The following KIFC2 variants were observed in gnomAD, a reference collection of about 807,000 sequenced individuals.
KIFC2 encodes kinesin family member C2, also known as kinesin-like protein KIFC2.
A neutral mutation model predicts 91.5 loss-of-function variants in KIFC2; 94 were observed. The ratio of observed to expected loss-of-function variants is 1.03; its 90% CI spans 0.87 to 1.22. The LOEUF (loss-of-function observed/expected upper bound fraction) is 1.22. Ranked by LOEUF, KIFC2 falls within the 50% of genes most tolerant of loss-of-function variation. The probability of loss-of-function intolerance (pLI) is 0.00; values close to 1 mark genes in which losing one functional copy is unlikely to be tolerated. For missense variants in KIFC2, 1,357 were observed against 1,103.3 expected, an observed-to-expected ratio of 1.23 and a Z score of -3.26; for synonymous variants, 729 against 503.9, an observed-to-expected ratio of 1.45 and a Z score of -5.98.
intron 7 of KIFC2, 35 bp downstream of exon 7, chr8:144,468,022 C>A (rs773085134): frequency 6.7e-7 from 1 of 1,503,204 alleles, no homozygotes; most frequent in Non-Finnish European, 8.8e-7. Flanking sequence ...GTTCCTGCAG[C>A]CTGGGGCTCT....
Position 144,473,491 on chromosome 8 carries a change from A to G in KIFC2, c.*102A>G. ...CCGTCTCCCAGGGCACAAGCTCCCT[A>G]GCCTCTTTGGATCCATTGCCCCTGA... On this transcript the variant is annotated 3_prime_UTR_variant, in exon 18 of 18. Transcript: ENST00000645548. 2 of 1,434,212 alleles carry G rather than the reference A, an allele frequency of 1.4e-6. No individual in the cohort carries two copies. The highest frequency in any genetic ancestry group is 1.8e-6 in the Non-Finnish European group (2 of 1,096,232). 88.8% of individuals were successfully genotyped at this position (1,434,212 alleles called of 1,614,324 possible). A position where few individuals can be genotyped will look rare whatever the true frequency, so the allele number is the denominator to read the frequency against.
At position 144,472,040 on chromosome 8, in the gene KIFC2, C is replaced by T. The variant is rs779927504; in HGVS notation, c.1479C>T (p.Ser493=). Residue 493 remains serine, a synonymous_variant, in exon 13 of 18, where the codon AGC becomes AGT. Transcript: ENST00000645548. ...AGACAGGCACCGGGAAGACCTACAG[C>T]ATGGAGGTGGGACAGAGCTCACGCC... is the stretch of plus-strand genomic sequence containing the variant. The part of the protein sequence containing the change: ...YGQTGTGKTY[S]MEGPPEDPGI... 8 of 1,613,244 alleles carry T rather than the reference C, an allele frequency of 5.0e-6. No homozygotes were observed. In the Admixed American group the frequency reaches 8.3e-5, roughly 17 times the overall value.
At position 144,467,325 on chromosome 8, in the gene KIFC2, G is replaced by T; in HGVS notation, c.453G>T (p.Arg151=). ...LQGTQPAPRV[R]PPSPDGSTSQ... is the part of the protein sequence containing the mutation. ...GGACTCAGCCAGCCCCTCGGGTCCG[G>T]CCCCCCTCTCCAGATGGTGAGTAAA... Residue 151 remains arginine (R), a synonymous_variant, in exon 4 of 18, where the codon CGG becomes CGT. Coordinates refer to ENST00000645548, the MANE Select transcript of KIFC2 (RefSeq NM_001369769.2). 6.2e-7 allele frequency: 1 copy of T among 1,608,842 alleles called. No individual in the cohort carries two copies. The highest frequency in any genetic ancestry group is 8.5e-7 in the Non-Finnish European group (1 of 1,177,896).
At position 144,473,376 on chromosome 8, in the gene KIFC2, G is replaced by T. The variant is rs369059154; in HGVS notation, c.2363G>T (p.Gly788Val). Residue 788 changes from glycine (G) to valine (V), a missense_variant, in exon 18 of 18, where the codon GGC (glycine) becomes GTC (valine). Transcript: ENST00000645548. Reference sequence around the variant, plus strand: ...GGCTCGGCTCTCGCGCCCGCAGAGGGCCTGCCCCTCTAGTCCTGGGTCGCG... The same window carrying T: ...GGCTCGGCTCTCGCGCCCGCAGAGGTCCTGCCCCTCTAGTCCTGGGTCGCG... ...GSGSALAPAE[G>V]LPL 1 of 1,575,718 alleles carries T rather than the reference G, an allele frequency of 6.3e-7. No homozygotes were observed.
chr8:144,473,446 G>A lies in KIFC2; in HGVS notation c.*57G>A, dbSNP rs753268294. 5.9e-6 allele frequency: 9 copies of A among 1,521,326 alleles called. No homozygotes were observed. The Admixed American group carries it at 8.1e-5, about 14-fold the overall frequency. 94.2% of individuals were successfully genotyped at this position (1,521,326 alleles called of 1,614,324 possible). ...AGGCCAGGTCTCTGCTGGCAGAGGCGGTAGTAAAGTCCCTGTACCCCGTCT... is the reference window on the plus strand; with the variant it reads ...AGGCCAGGTCTCTGCTGGCAGAGGCAGTAGTAAAGTCCCTGTACCCCGTCT... On this transcript the variant is annotated 3_prime_UTR_variant, in exon 18 of 18. Coordinates refer to ENST00000645548, the MANE Select transcript of KIFC2 (RefSeq NM_001369769.2).
Position 144,468,762 on chromosome 8 carries a change from C to G in KIFC2, c.1041C>G (p.Cys347Trp). 6.2e-7 allele frequency: 1 copy of G among 1,614,046 alleles called. No homozygotes were observed. Among genetic ancestry groups the G allele is most frequent in the Non-Finnish European group, 8.5e-7 (1 of 1,180,008 alleles). Residue 347 changes from cysteine (C) to tryptophan (W), a missense_variant, in exon 10 of 18, where the codon TGC (cysteine) becomes TGG (tryptophan). By Grantham distance (215) the Cys-to-Trp change is radical (BLOSUM62 -2). Transcript: ENST00000645548. ...GGATGGCCAGCCTGCGTCAGGGCTG[C>G]GGGGACCTCCGAGGTTTGGTCAGCA... ...RARMASLRQGCGDLRGLVSTF... is the reference protein window; with the variant it reads ...RARMASLRQGWGDLRGLVSTF...
chr8:144,470,999 T>C (rs1193932910), intron 12 of KIFC2, among the ~76,000 whole-genome samples: 4 of 151,998 alleles, frequency 2.6e-5, no homozygotes, highest in East Asian at 1.9e-4. Flanking sequence ...AATCCCACTC[T>C]GTTGCCCAGG....
In KIFC2 at chr8:144,472,636, C is replaced by T; in HGVS notation, c.1791C>T (p.Ser597=). ...CCGCCACCGCCATGAACCAGCGCAG[C>T]TCCCGCTCGCATGCCCTGGTCACGC... ...ATAATAMNQR[S]SRSHALVTLT... is the part of the protein sequence containing the mutation. Residue 597 remains serine, a synonymous_variant, in exon 16 of 18, where the codon AGC becomes AGT. Transcript: ENST00000645548. The T allele has an allele frequency of 6.2e-7, 1 of 1,602,636 alleles. No individual in the cohort carries two copies.
rs2129961570 is a variant in KIFC2, at chr8:144,466,624, G to A, written c.99+106G>A. Reference sequence around the variant, plus strand: ...GCACGGGGCGCGGGGCGACGGGGCCGTGCCGAGGACCCTCGGCTCGGCCCC... The same window carrying A: ...GCACGGGGCGCGGGGCGACGGGGCCATGCCGAGGACCCTCGGCTCGGCCCC... On this transcript the variant is annotated intron_variant, in intron 1 of 17. Transcript: ENST00000645548. 6.9e-6 allele frequency: 6 copies of A among 873,516 alleles called. No individual in the cohort carries two copies. In the Admixed American group the frequency reaches 1.7e-4, roughly 25 times the overall value. 54.1% of individuals were successfully genotyped at this position (873,516 alleles called of 1,614,324 possible).
At chr8:144,466,577 G>A (rs1339493215) in intron 1 of KIFC2, 59 bp downstream of exon 1, 19 of 996,106 alleles carry the variant, frequency 1.9e-5, no homozygotes, top group Admixed American at 4.4e-5. Context: ...CCCCCACGCC[G>A]AGGTTCCCGG....
At chr8:144,467,415 T>C in intron 4 of KIFC2, 70 bp from the exon 5 acceptor site, 1 of 1,543,014 alleles carries the variant, frequency 6.5e-7, no homozygotes, top group Non-Finnish European at 8.7e-7. Context: ...CGGCCTGGAG[T>C]TCGGGGTCAT....
intron 10 of KIFC2, 80 bp from the exon 11 acceptor site, chr8:144,469,191 T>C (rs1824823097): frequency 1.7e-6 from 2 of 1,195,226 alleles, no homozygotes; most frequent in East Asian, 5.1e-5. Flanking sequence ...GGCTCCCTGC[T>C]GCTCTCAGGA....
At position 144,472,354 on chromosome 8, in the gene KIFC2, T is replaced by G; in HGVS notation, c.1608-7T>G. On this transcript the variant is annotated splice_polypyrimidine_tract_variant and splice_region_variant and intron_variant, in intron 14 of 17. Transcript: ENST00000645548. Reference sequence around the variant, plus strand: ...TCTGGAACCAAGACCTTCCCCTTTCTCACCAGGGACCTCCTTGCTCCAGGG... The same window carrying G: ...TCTGGAACCAAGACCTTCCCCTTTCGCACCAGGGACCTCCTTGCTCCAGGG... 2 of 1,613,340 alleles carry G rather than the reference T, an allele frequency of 1.2e-6. No homozygotes were observed. The highest frequency in any genetic ancestry group is 2.2e-5 in the South Asian group (2 of 91,088).
In KIFC2 at chr8:144,473,916, G is replaced by T. The variant is rs1440626432; in HGVS notation, c.*527G>T. On this transcript the variant is annotated 3_prime_UTR_variant, in exon 18 of 18. Coordinates refer to ENST00000645548, the MANE Select transcript of KIFC2 (RefSeq NM_001369769.2). ...CCCTCCCCCAGCCTGGAGCACGGGA[G>T]GGGAGGTGACGGCTGGTGACTGATG... 2.3e-6 allele frequency: 1 copy of T among 433,728 alleles called. No individual in the cohort carries two copies. Among genetic ancestry groups the T allele is most frequent in the South Asian group, 4.2e-5 (1 of 23,998 alleles). 26.9% of individuals were successfully genotyped at this position (433,728 alleles called of 1,614,324 possible).
intron 12 of KIFC2, 29 bp from the exon 13 acceptor site, chr8:144,471,913 C>A (rs1824941643): frequency 5.6e-6 from 9 of 1,605,356 alleles, no homozygotes; most frequent in Non-Finnish European, 6.8e-6. Flanking sequence ...GTGGGGAGGA[C>A]TCAAAACACA....
At position 144,466,482 on chromosome 8, in the gene KIFC2, C is replaced by G; in HGVS notation, c.63C>G (p.Gly21=). 1.5e-6 allele frequency: 2 copies of G among 1,332,694 alleles called. No individual in the cohort carries two copies. The highest frequency in any genetic ancestry group is 1.9e-6 in the Non-Finnish European group (2 of 1,032,496). 82.6% of individuals were successfully genotyped at this position (1,332,694 alleles called of 1,614,324 possible). A position where few individuals can be genotyped will look rare whatever the true frequency, so the allele number is the denominator to read the frequency against. Residue 21 remains glycine, a synonymous_variant, in exon 1 of 18, where the codon GGC becomes GGG. Coordinates refer to ENST00000645548, the MANE Select transcript of KIFC2 (RefSeq NM_001369769.2). ...IFYSLFRRDG[G]AAAAAEPGDP... ...ACAGCCTCTTCCGCAGGGATGGTGG[C>G]GCCGCGGCGGCCGCGGAGCCCGGGG...
At chr8:144,470,104 C>T (rs1006080616) in intron 12 of KIFC2, among the ~76,000 whole-genome samples, 15 of 152,258 alleles carry the variant, frequency 9.9e-5, no homozygotes, top group African/African-American at 3.4e-4. Context: ...TTCATCTGCA[C>T]ATGCCCTTTG....
rs201819532 is a variant in KIFC2, at chr8:144,468,418, G to A, written c.888+12G>A. On this transcript the variant is annotated intron_variant, in intron 8 of 17. Transcript: ENST00000645548. The stretch of plus-strand genomic sequence containing the variant: ...CCCTCCGAGCCCAGGTGGGCATGGG[G>A]CCCAGGGATCCATGGCTCAGGGGTG... 3,797 of 1,610,820 alleles carry A rather than the reference G, an allele frequency of 2.4e-3. 9 individuals carry two copies. Among genetic ancestry groups the A allele is most frequent in the Non-Finnish European group, 2.7e-3 (3,156 of 1,178,902 alleles).
Position 144,467,967 on chromosome 8 carries a change from C to T in KIFC2, c.790C>T (p.Pro264Ser), listed in dbSNP as rs1490397711. ...RDLLLHWGPG[P>S]PIRAPQEEAE... The stretch of plus-strand genomic sequence containing the variant: ...CCTCCTGCTGCACTGGGGCCCCGGG[C>T]CCCCCATCAGGGCTCCGCAGGTACT... The change falls in exon 7 of 18, where the codon CCC becomes TCC. Residue 264 changes from proline (P) to serine (S), a missense_variant. Coordinates refer to ENST00000645548, the MANE Select transcript of KIFC2 (RefSeq NM_001369769.2). The T allele has an allele frequency of 4.4e-6, 7 of 1,582,246 alleles. No homozygotes were observed. The East Asian group carries it at 6.8e-5, about 15-fold the overall frequency.
Sources: allele counts gnomAD v4.1 joint callset (sites outside exome capture counted in the v4.1 genomes callset), GRCh38; gene constraint gnomAD v4.1.1; transcripts MANE v1.5; gene names NCBI Gene and HGNC (gene_info 2026-07-23, HGNC 2026-07-21).